USP15: variants seen among roughly 807,000 people sequenced by gnomAD.
USP15 encodes the protein ubiquitin carboxyl-terminal hydrolase 15.
USP15 carries 18 observed loss-of-function variants against 127.1 expected under a neutral mutation model. The ratio of observed to expected loss-of-function variants is 0.14; its 90% confidence interval spans 0.10 to 0.21. The LOEUF is 0.21. Among genes scored for constraint, USP15 ranks in the 10% least tolerant of loss-of-function variants. The pLI is 1.00. For synonymous variants in USP15, 364 were observed against 393.7 expected, an observed-to-expected ratio of 0.92 and a Z score of 0.89; for missense variants, 805 against 1,159.9, an observed-to-expected ratio of 0.69 and a Z score of 4.44.
chr12:62,396,824 C>G (rs937261311), intron 20 of USP15, among the ~76,000 whole-genome samples: 2 of 152,184 alleles, frequency 1.3e-5, no homozygotes, highest in Non-Finnish European at 2.9e-5. Context: ...TTGTTTCTCA[C>G]TGCTTATGAT....
chr12:62,327,849 A>G (rs1457178991), intron 6 of USP15: 3 of 261,944 alleles, frequency 1.1e-5, no homozygotes, highest in East Asian at 2.5e-4. Flanking sequence ...TAGTTGAATA[A>G]GGATGCCATA....
chr12:62,271,648 G>A (rs979424571), intron 1 of USP15, among the ~76,000 whole-genome samples: 45 of 151,790 alleles, frequency 3.0e-4, no homozygotes, highest in Admixed American at 2.6e-3. Context: ...GTAGAGTCAA[G>A]CATTATTAAT....
intron 1 of USP15, among the ~76,000 whole-genome samples, chr12:62,281,927 T>G (rs2063660569): frequency 6.6e-6 from 1 of 152,192 alleles, no homozygotes; most frequent in African/African-American, 2.4e-5. Context: ...CCGCAGTCCC[T>G]TTTTATCTGC....
intron 1 of USP15, among the ~76,000 whole-genome samples, chr12:62,269,113 G>C (rs1294870527): frequency 2.6e-5 from 4 of 152,024 alleles, no homozygotes; most frequent in Non-Finnish European, 5.9e-5. Flanking sequence ...ATACAGTCAT[G>C]AGTCACTTAA....
At chr12:62,312,618 A>G (rs779389780) in intron 3 of USP15, among the ~76,000 whole-genome samples, 1 of 151,682 alleles carries the variant, frequency 6.6e-6, no homozygotes, top group Non-Finnish European at 1.5e-5. Context: ...TAACAGTGTT[A>G]TAATTCACTT....
chr12:62,364,285 T>A (rs1397822162), intron 8 of USP15, among the ~76,000 whole-genome samples: 1 of 152,164 alleles, frequency 6.6e-6, no homozygotes, highest in African/African-American at 2.4e-5. Flanking sequence ...CAAGACTAGA[T>A]CATTAGCTAA....
Position 62,409,231 on chromosome 12 carries a change from G to T in USP15, c.*4856G>T, listed in dbSNP as rs2067976742. On this transcript the variant is annotated 3_prime_UTR_variant, in exon 22 of 22. Transcript: ENST00000280377. ...GGAGCCTGGAACTTGTCAGGGTTGTGAAATAGATCTCAGACTATTAAGGAC... is the reference window on the plus strand; with the variant it reads ...GGAGCCTGGAACTTGTCAGGGTTGTTAAATAGATCTCAGACTATTAAGGAC... 6.6e-6 allele frequency: 1 copy of T among 152,158 alleles called. No individual in the cohort carries two copies. The highest frequency in any genetic ancestry group is 6.5e-5 in the Admixed American group (1 of 15,272). The allele number at this position is 152,158 out of a possible 1,614,324, so 9.4% of individuals were successfully genotyped here. A position where few individuals can be genotyped will look rare whatever the true frequency, so the allele number is the denominator to read the frequency against.
intron 1 of USP15, among the ~76,000 whole-genome samples, chr12:62,273,589 C>A (rs764304405): frequency 6.6e-6 from 1 of 152,100 alleles, no homozygotes; most frequent in East Asian, 1.9e-4. Context: ...AGTCTGATTT[C>A]AGGAGATAAG....
At chr12:62,372,643 T>A (rs1478645222) in intron 8 of USP15, among the ~76,000 whole-genome samples, 1 of 152,114 alleles carries the variant, frequency 6.6e-6, no homozygotes, top group Admixed American at 6.6e-5. Context: ...ATTGTTTCTT[T>A]ACTGAATATT....
intron 2 of USP15, among the ~76,000 whole-genome samples, chr12:62,299,837 G>T (rs1243269117): frequency 1.3e-5 from 2 of 152,132 alleles, no homozygotes; most frequent in Non-Finnish European, 2.9e-5. Context: ...GTTCTTGTCT[G>T]TCCTTTTTAT....
chr12:62,332,401 A>G (rs1289477291), intron 6 of USP15, among the ~76,000 whole-genome samples: 1 of 151,756 alleles, frequency 6.6e-6, no homozygotes, highest in African/African-American at 2.4e-5. Flanking sequence ...ATTCTGTAAA[A>G]TTTCATTTCT....
intron 6 of USP15, among the ~76,000 whole-genome samples, chr12:62,333,699 T>C (rs2065371676): frequency 6.6e-6 from 1 of 152,168 alleles, no homozygotes; most frequent in African/African-American, 2.4e-5. Context: ...TCTGAGACTT[T>C]AAAGTTGGAG....
chr12:62,277,864 A>C (rs928981490), intron 1 of USP15, among the ~76,000 whole-genome samples: 2 of 152,180 alleles, frequency 1.3e-5, no homozygotes, highest in Admixed American at 6.5e-5. Context: ...TATAAACACC[A>C]TACACTTAGG....
chr12:62,283,645 T>C (rs1220012382), intron 1 of USP15, among the ~76,000 whole-genome samples: 1 of 152,154 alleles, frequency 6.6e-6, no homozygotes. Context: ...ATCAGATTAA[T>C]CACTTAAAAA....
At chr12:62,323,453 C>G (rs936775156) in intron 5 of USP15, among the ~76,000 whole-genome samples, 3 of 152,092 alleles carry the variant, frequency 2.0e-5, no homozygotes, top group African/African-American at 7.2e-5. Flanking sequence ...TTGTACTAGG[C>G]TGTCAAAATA....
At chr12:62,380,941 T>A (rs948520256) in intron 8 of USP15, among the ~76,000 whole-genome samples, 2 of 152,078 alleles carry the variant, frequency 1.3e-5, no homozygotes, top group Admixed American at 1.3e-4. Context: ...TTACCAGAGT[T>A]CACATACTAA....
intron 2 of USP15, among the ~76,000 whole-genome samples, chr12:62,300,328 G>C (rs1294532356): frequency 1.3e-5 from 2 of 152,028 alleles, no homozygotes; most frequent in African/African-American, 2.4e-5. Flanking sequence ...TTTTGTATAT[G>C]GTGTGCAGTA....
intron 7 of USP15, among the ~76,000 whole-genome samples, chr12:62,350,085 AC>A (rs1198231409): frequency 1.3e-5 from 2 of 151,710 alleles, no homozygotes; most frequent in African/African-American, 4.9e-5. Flanking sequence ...ATTTGCACTA[AC>A]ATATTAGTAT....
At position 62,296,046 on chromosome 12, in the gene USP15, T is replaced by C. The variant is rs367921633; in HGVS notation, c.217+1740T>C. Among the ~76,000 whole-genome samples, 6 of 152,196 alleles carry C rather than the reference T, an allele frequency of 3.9e-5. No individual in the cohort carries two copies. The East Asian group carries it at 7.7e-4, about 20-fold the overall frequency. ...TCAGAGATGCATGAAAGAGGGTCAA[T>C]ATGTCATTGCTGGTTTGAAGTTGGA... is the stretch of plus-strand genomic sequence containing the variant. On this transcript the variant is annotated intron_variant, in intron 2 of 21. Transcript: ENST00000280377.
Sources: gnomAD v4.1 joint callset for allele counts (sites outside exome capture counted in the v4.1 genomes callset) on GRCh38, gnomAD v4.1.1 for gene constraint, MANE v1.5 for transcripts, NCBI Gene and HGNC (gene_info 2026-07-23, HGNC 2026-07-21) for gene names.